The following IDH3B variants were observed in gnomAD, a reference collection of about 807,000 sequenced individuals.
The protein encoded by IDH3B is isocitrate dehydrogenase [NAD] subunit beta, mitochondrial.
In IDH3B, 40 loss-of-function variants were observed where a neutral mutation model predicts 47.5. The observed-to-expected ratio is 0.84, with a 90% CI of 0.65 to 1.10. The LOEUF (loss-of-function observed/expected upper bound fraction) is 1.10. Among genes scored for constraint, IDH3B ranks in the 50% least tolerant of loss-of-function variants. The pLI is 0.00. For missense variants in IDH3B, 450 were observed against 505.2 expected (o/e 0.89, Z 1.05); for synonymous variants, 185 against 191.0 (o/e 0.97, Z 0.26).
At chr20:2,661,816 A>C (rs1282504357) in intron 4 of IDH3B, among the ~76,000 whole-genome samples, 1 of 152,244 alleles carries the variant, frequency 6.6e-6, no homozygotes, top group Non-Finnish European at 1.5e-5. Flanking sequence ...ATCAGGATAC[A>C]GCACAGAAGA....
At chr20:2,663,855 A>AGGTCAGCCTGT (rs2086995803) in intron 2 of IDH3B, 70 bp downstream of exon 2, 1 of 1,598,138 alleles carries the variant, frequency 6.3e-7, no homozygotes, top group Non-Finnish European at 8.6e-7. Flanking sequence ...GGGGTGGGGA[A>AGGTCAGCCTGT]AAGCCAGGGG....
In IDH3B at chr20:2,658,728, A is replaced by C; in HGVS notation, c.*23T>G. 1 of 1,614,120 alleles carries C rather than the reference A, an allele frequency of 6.2e-7. No homozygotes were observed. Among genetic ancestry groups the C allele is most frequent in the Non-Finnish European group, 8.5e-7 (1 of 1,180,004 alleles). The stretch of plus-strand genomic sequence containing the variant: ...AGGGTATGGGGAGTGTGGTCCTTGC[A>C]AGGTTGGAAGAAATAAAGGGCTCTA... On this transcript the variant is annotated 3_prime_UTR_variant, in exon 12 of 12. Transcript: ENST00000380843.
At position 2,660,954 on chromosome 20, in the gene IDH3B, G is replaced by C; in HGVS notation, c.353C>G (p.Pro118Arg). Residue 118 changes from proline to arginine, a missense_variant, in exon 5 of 12, where the codon CCG (proline) becomes CGG (arginine). Transcript: ENST00000380843. The surrounding 1 kb of genome is among the most constrained non-coding windows in gnomAD (Gnocchi z 5.6). The stretch of plus-strand genomic sequence containing the variant: ...GGCTAGCTCCCCCTTATACTCCATC[G>C]GGGTATGAATCTTTCCTGTGAAAAC... Reference protein sequence around the residue: ...KVAIIGKIHTPMEYKGELASY... With the variant: ...KVAIIGKIHTRMEYKGELASY... The C allele has an allele frequency of 6.2e-7, 1 of 1,613,936 alleles. No homozygotes were observed. Among genetic ancestry groups the C allele is most frequent in the Non-Finnish European group, 8.5e-7 (1 of 1,179,980 alleles).
At chr20:2,663,823 A>G in intron 2 of IDH3B, 65 bp from the exon 3 acceptor site, 1 of 1,597,654 alleles carries the variant, frequency 6.3e-7, no homozygotes, top group Non-Finnish European at 8.6e-7. Flanking sequence ...TCCTGGGAGT[A>G]GAGAAGTAGG....
chr20:2,659,303 C>G (rs1486275135), intron 11 of IDH3B: 1 of 1,494,602 alleles, frequency 6.7e-7, no homozygotes, highest in South Asian at 1.3e-5. Flanking sequence ...GAGGGAACAG[C>G]AGATGGGATC....
rs2086914931 is a variant in IDH3B, at chr20:2,660,159, G to A, written c.786C>T (p.Tyr262=). The change falls in exon 9 of 12, where the codon TAC becomes TAT. Residue 262 remains tyrosine (Y), a synonymous_variant. Coordinates refer to ENST00000380843, the MANE Select transcript of IDH3B (RefSeq NM_006899.5). This position sits in a 1 kb window ranked among gnomAD's most constrained non-coding sequence, Gnocchi z 5.6. ...NCCMQLVQNP[Y]QFDVLVMPNL... The stretch of plus-strand genomic sequence containing the variant: ...TGGGCATCACAAGCACATCAAACTG[G>A]TAAGGATTCTGCACCAGCTAGAGGG... 3.7e-6 allele frequency: 6 copies of A among 1,614,022 alleles called. No individual in the cohort carries two copies. In the South Asian group the frequency reaches 6.6e-5, roughly 18 times the overall value.
intron 11 of IDH3B, 183 bp downstream of exon 11, chr20:2,659,342 A>G (rs2086891525): frequency 1.3e-6 from 2 of 1,566,834 alleles, no homozygotes; most frequent in Non-Finnish European, 1.7e-6. Context: ...AAGAGGATGA[A>G]ACAGCCAAGA....
At chr20:2,659,848 G>A (rs994297514) in intron 9 of IDH3B, 55 bp from the exon 10 acceptor site, 26 of 1,477,142 alleles carry the variant, frequency 1.8e-5, no homozygotes, top group Non-Finnish European at 2.3e-5. Context: ...GGTATGCAGA[G>A]GCTTAGGTTG....
chr20:2,659,707 C>A lies in IDH3B; in HGVS notation c.1002G>T (p.Arg334=), dbSNP rs747580191. 6.2e-7 allele frequency: 1 copy of A among 1,614,018 alleles called. No homozygotes were observed. Among genetic ancestry groups the A allele is most frequent in the Non-Finnish European group, 8.5e-7 (1 of 1,179,860 alleles). ...AMLLSASNML[R]HLNLEYHSSM... ...AGCCTCCCATGACCTACTTAAGATG[C>A]CGCAGCATGTTGGAAGCCGACAGCA... Residue 334 remains arginine (R), a synonymous_variant, in exon 10 of 12, where the codon CGG becomes CGT. Transcript: ENST00000380843.
chr20:2,663,678 G>A lies in IDH3B; in HGVS notation c.198C>T (p.Ala66=). 1.2e-6 allele frequency: 2 copies of A among 1,614,148 alleles called. No individual in the cohort carries two copies. Among genetic ancestry groups the A allele is most frequent in the Non-Finnish European group, 8.5e-7 (1 of 1,180,026 alleles). ...GDGVGPELMH[A]VKEVFKAAAV... ...CACTCACCTTGAACACCTCCTTGAC[G>A]GCGTGCATCAGCTCAGGCCCCACAC... is the stretch of plus-strand genomic sequence containing the variant. The change falls in exon 3 of 12, where the codon GCC becomes GCT. Residue 66 remains alanine (A), a synonymous_variant. Transcript: ENST00000380843.
intron 11 of IDH3B, chr20:2,659,283 G>T (rs2086890189): frequency 6.8e-7 from 1 of 1,466,988 alleles, no homozygotes; most frequent in Non-Finnish European, 9.0e-7. Flanking sequence ...GCAGTGGATG[G>T]AGCAGGAAAG....
chr20:2,660,167 T>G lies in IDH3B; in HGVS notation c.778A>C (p.Asn260His). ...IDNCCMQLVQ[N>H]PYQFDVLVMP... ...ACAAGCACATCAAACTGGTAAGGAT[T>G]CTGCACCAGCTAGAGGGTGAGATGC... The change falls in exon 9 of 12, where the codon AAT (asparagine) becomes CAT (histidine). Residue 260 changes from asparagine to histidine, a missense_variant. Asn to His is a moderately conservative substitution (Grantham distance 68). Transcript: ENST00000380843. This position sits in a 1 kb window ranked among gnomAD's most constrained non-coding sequence, Gnocchi z 5.6. The G allele has an allele frequency of 1.2e-6, 2 of 1,614,126 alleles. No homozygotes were observed. The highest frequency in any genetic ancestry group is 1.7e-6 in the Non-Finnish European group (2 of 1,180,010).
At position 2,660,453 on chromosome 20, in the gene IDH3B, T is replaced by C; in HGVS notation, c.665+4A>G. 1 of 1,613,770 alleles carries C rather than the reference T, an allele frequency of 6.2e-7. No homozygotes were observed. Among genetic ancestry groups the C allele is most frequent in the Non-Finnish European group, 8.5e-7 (1 of 1,179,956 alleles). ...CCCATCCTACACAAAGCCATGCCCC[T>C]CACATGATGTTGGCCTTGTGGACAG... On this transcript the variant is annotated splice_donor_region_variant and intron_variant, in intron 7 of 11. Coordinates refer to ENST00000380843, the MANE Select transcript of IDH3B (RefSeq NM_006899.5). This position sits in a 1 kb window ranked among gnomAD's most constrained non-coding sequence, Gnocchi z 5.6.
At position 2,660,745 on chromosome 20, in the gene IDH3B, C is replaced by A. The variant is rs748899512; in HGVS notation, c.483G>T (p.Val161=). 6.2e-7 allele frequency: 1 copy of A among 1,614,186 alleles called. No individual in the cohort carries two copies. Residue 161 remains valine, a synonymous_variant, in exon 6 of 12, where the codon GTG becomes GTT. Transcript: ENST00000380843. The surrounding 1 kb of genome is among the most constrained non-coding windows in gnomAD (Gnocchi z 5.6). ...YMTRHNNLDL[V]IIREQTEGEY... ...CCCCTTCTGTCTGCTCTCGAATGAT[C>A]ACCAGGTCTAGATTGTTGTGCCGAG...
At chr20:2,663,380 C>T in intron 4 of IDH3B, 66 bp downstream of exon 4, 18 of 1,587,342 alleles carry the variant, frequency 1.1e-5, no homozygotes, top group Non-Finnish European at 1.6e-5. Context: ...GGGAGAAGGG[C>T]TTAATAAACA....
At chr20:2,664,088 G>A in intron 1 of IDH3B, 65 bp downstream of exon 1, 1 of 1,607,810 alleles carries the variant, frequency 6.2e-7, no homozygotes, top group South Asian at 1.1e-5. Context: ...GCCCTGTTTA[G>A]GAAACCCTAG....
rs773592451 is a variant in IDH3B, at chr20:2,663,441, C to G, written c.337+5G>C. The G allele has an allele frequency of 1.9e-6, 3 of 1,614,068 alleles. No individual in the cohort carries two copies. The African/African-American group carries it at 4.0e-5, about 22-fold the overall frequency. ...CATGGACAAGTGGCAAGAGGGCACA[C>G]ATACCAATGATGGCCACTTTGTTCT... On this transcript the variant is annotated splice_donor_5th_base_variant and intron_variant, in intron 4 of 11. Transcript: ENST00000380843.
At chr20:2,658,890 A>AGGGAGGT (rs2086877674) in intron 11 of IDH3B, 53 bp from the exon 12 acceptor site, 1 of 1,611,448 alleles carries the variant, frequency 6.2e-7, no homozygotes. Flanking sequence ...GAGCCCATGA[A>AGGGAGGT]GGGAGGTAGG....
Position 2,658,453 on chromosome 20 carries a change from G to A in IDH3B, c.*298C>T, listed in dbSNP as rs769464735. ...GGTATGGACAGGGCCTATGGGTGGG[G>A]CAAGGCAGCAATGACAGCCTCAGTG... On this transcript the variant is annotated 3_prime_UTR_variant, in exon 12 of 12. Transcript: ENST00000380843. 22 of 1,614,106 alleles carry A rather than the reference G, an allele frequency of 1.4e-5. No homozygotes were observed. The highest frequency in any genetic ancestry group is 6.7e-5 in the East Asian group (3 of 44,890).
Sources: allele counts gnomAD v4.1 joint callset (sites outside exome capture counted in the v4.1 genomes callset), GRCh38; gene constraint gnomAD v4.1.1; non-coding constraint Gnocchi (gnomAD v3.1); transcripts MANE v1.5; gene names NCBI Gene and HGNC (gene_info 2026-07-23, HGNC 2026-07-21).